Variants in TSC22D3 observed in about 807,000 individuals in gnomAD.
TSC22D3 encodes TSC22 domain family protein 3.
In TSC22D3, 4 loss-of-function variants were observed where a neutral mutation model predicts 11.1. The ratio of observed to expected loss-of-function variants is 0.36; its 90% CI spans 0.18 to 0.83. The LOEUF (loss-of-function observed/expected upper bound fraction) is 0.83. Among genes scored for constraint, TSC22D3 ranks in the 40% least tolerant of loss-of-function variants. The pLI, the probability that TSC22D3 is intolerant of heterozygous loss-of-function variation, is 0.48. For synonymous variants in TSC22D3, 77 were observed against 70.3 expected (o/e 1.10, Z -0.48); for missense variants, 118 against 159.4 (o/e 0.74, Z 1.40).
intron 1 of TSC22D3, among the ~76,000 whole-genome samples, chrX:107,734,089 G>A (rs1008670050): frequency 8.9e-6 from 1 of 112,123 alleles, no homozygotes; most frequent in African/African-American, 3.2e-5. Context: ...CTAAGGAGCA[G>A]TCTGGGGCAT....
intron 1 of TSC22D3, chrX:107,716,973 A>C: frequency 9.5e-7 from 1 of 1,049,460 alleles, no homozygotes; most frequent in East Asian, 3.7e-5. Flanking sequence ...AAAGCCAAGC[A>C]GGCGCTCCAG....
At chrX:107,760,354 T>C (rs573991292) in intron 1 of TSC22D3, among the ~76,000 whole-genome samples, 3 of 112,860 alleles carry the variant, frequency 2.7e-5, no homozygotes, top group South Asian at 7.3e-4. Context: ...CATGGAGATG[T>C]TGTGTACCTA....
chrX:107,769,307 C>T (rs1257062919), intron 1 of TSC22D3, among the ~76,000 whole-genome samples: 1 of 112,617 alleles, frequency 8.9e-6, no homozygotes, highest in Non-Finnish European at 1.9e-5. Flanking sequence ...GAATTTTATT[C>T]AGCCATAAAA....
intron 1 of TSC22D3, among the ~76,000 whole-genome samples, chrX:107,757,494 A>G (rs1365226419): frequency 8.9e-6 from 1 of 112,381 alleles, no homozygotes; most frequent in Non-Finnish European, 1.9e-5. Flanking sequence ...GTGAGGAGAT[A>G]CAAGCCAGGT....
chrX:107,717,919 G>A (rs1327155661), intron 1 of TSC22D3, among the ~76,000 whole-genome samples: 1 of 111,852 alleles, frequency 8.9e-6, no homozygotes, highest in African/African-American at 3.3e-5. Context: ...CCAGGATCCC[G>A]TGTCTCTATT....
chrX:107,725,138 T>C (rs1927556326), intron 1 of TSC22D3, among the ~76,000 whole-genome samples: 2 of 112,772 alleles, frequency 1.8e-5, no homozygotes, highest in East Asian at 2.8e-4. Flanking sequence ...ATTTATACTT[T>C]GAGGAATGAG....
At chrX:107,745,110 G>A (rs1428025228) in intron 1 of TSC22D3, among the ~76,000 whole-genome samples, 1 of 112,202 alleles carries the variant, frequency 8.9e-6, no homozygotes, top group Admixed American at 9.4e-5. Context: ...CCCAAAGCCA[G>A]CATGTGAGTT....
At chrX:107,757,138 G>A (rs1341017492) in intron 1 of TSC22D3, among the ~76,000 whole-genome samples, 1 of 112,953 alleles carries the variant, frequency 8.9e-6, no homozygotes, top group Non-Finnish European at 1.9e-5. Flanking sequence ...GAAGTGGCTT[G>A]TATGTAGATT....
At chrX:107,758,584 G>T (rs996547754) in intron 1 of TSC22D3, among the ~76,000 whole-genome samples, 16 of 111,568 alleles carry the variant, frequency 1.4e-4, no homozygotes, top group African/African-American at 3.3e-5. Flanking sequence ...TGAGAGTGGG[G>T]ATTTACCAAG....
At chrX:107,757,528 T>TA (rs1328051723) in intron 1 of TSC22D3, among the ~76,000 whole-genome samples, 2 of 112,357 alleles carry the variant, frequency 1.8e-5, no homozygotes, top group Admixed American at 1.9e-4. Context: ...CTACAAACTT[T>TA]AAAAGAAACA....
intron 1 of TSC22D3, among the ~76,000 whole-genome samples, chrX:107,733,139 C>G (rs1483163249): frequency 9.1e-6 from 1 of 109,907 alleles, no homozygotes; most frequent in East Asian, 2.8e-4. Flanking sequence ...TAACCCTGAG[C>G]AAATCACTGC....
At chrX:107,722,235 G>C (rs1602951491) in intron 1 of TSC22D3, 2 of 178,837 alleles carry the variant, frequency 1.1e-5, no homozygotes, top group East Asian at 1.1e-4. Context: ...TCTTGGTGGA[G>C]AGATGGACAC....
intron 1 of TSC22D3, among the ~76,000 whole-genome samples, chrX:107,762,163 T>C (rs778305823): frequency 1.0e-3 from 112 of 112,286 alleles, no homozygotes; most frequent in Non-Finnish European, 1.8e-3. Flanking sequence ...TTTGTGTGCA[T>C]GAAGAGGAAA....
At chrX:107,752,221 G>GA (rs1448606946) in intron 1 of TSC22D3, among the ~76,000 whole-genome samples, 1 of 112,126 alleles carries the variant, frequency 8.9e-6, no homozygotes, top group Non-Finnish European at 1.9e-5. Flanking sequence ...TCTGAGGGAT[G>GA]AGCTTGATTC....
At chrX:107,714,811 T>TGACAGAGCAAAGG in intron 2 of TSC22D3, 62 bp from the exon 3 acceptor site, 1 of 1,077,066 alleles carries the variant, frequency 9.3e-7, no homozygotes. Flanking sequence ...CTGCAGCACC[T>TGACAGAGCAAAGG]TTGCTCTGTC....
intron 1 of TSC22D3, among the ~76,000 whole-genome samples, chrX:107,738,529 C>T (rs762775025): frequency 8.9e-6 from 1 of 112,983 alleles, no homozygotes; most frequent in African/African-American, 3.2e-5. Flanking sequence ...CCTCTCTTGC[C>T]CTTTGTGCCC....
intron 1 of TSC22D3, among the ~76,000 whole-genome samples, chrX:107,764,757 A>G (rs1490217792): frequency 8.9e-6 from 1 of 111,761 alleles, no homozygotes; most frequent in African/African-American, 3.3e-5. Context: ...GACTGAAGCC[A>G]GAGATGCACA....
intron 1 of TSC22D3, among the ~76,000 whole-genome samples, chrX:107,758,972 C>T (rs188270096): frequency 4.5e-5 from 5 of 111,434 alleles, no homozygotes; most frequent in African/African-American, 1.6e-4. Context: ...CCTCCGCCTC[C>T]GGGGTTCAAG....
chrX:107,769,335 T>C (rs1164988917), intron 1 of TSC22D3, among the ~76,000 whole-genome samples: 2 of 112,796 alleles, frequency 1.8e-5, no homozygotes, highest in Non-Finnish European at 1.9e-5. Context: ...AGTACTGATA[T>C]GTGCTACAAC....
Sources: allele counts gnomAD v4.1 joint callset (sites outside exome capture counted in the v4.1 genomes callset), GRCh38; gene constraint gnomAD v4.1.1; transcripts MANE v1.5; gene names NCBI Gene and HGNC (gene_info 2026-07-23, HGNC 2026-07-21).